SLA: variants seen among roughly 807,000 people sequenced by gnomAD.
The protein encoded by SLA is src-like-adapter.
In SLA, 16 loss-of-function variants were observed where a neutral mutation model predicts 30.3. That is an observed-to-expected ratio of 0.53 (90% CI 0.36 to 0.80). The LOEUF is 0.80. Ranked by LOEUF, SLA falls within the 30% of genes least tolerant of loss-of-function variation. The pLI, the probability that SLA is intolerant of heterozygous loss-of-function variation, is 0.01. For missense variants in SLA, 310 were observed against 345.2 expected, an observed-to-expected ratio of 0.90 and a Z score of 0.81; for synonymous variants, 143 against 137.8, an observed-to-expected ratio of 1.04 and a Z score of -0.26.
chr8:133,091,731 T>A (rs1274331766), intron 1 of SLA, among the ~76,000 whole-genome samples: 1 of 152,028 alleles, frequency 6.6e-6, no homozygotes, highest in African/African-American at 2.4e-5. Flanking sequence ...TGTGTGTCTA[T>A]GTGTGTGGGT....
intron 1 of SLA, among the ~76,000 whole-genome samples, chr8:133,080,911 A>T (rs751991916): frequency 6.6e-6 from 1 of 152,158 alleles, no homozygotes; most frequent in African/African-American, 2.4e-5. Context: ...CTCTCAACCA[A>T]CAATGATTGC....
chr8:133,081,325 T>G lies in SLA; in HGVS notation c.-318-6195A>C, dbSNP rs2702977. On this transcript the variant is annotated intron_variant, in intron 1 of 8. Coordinates refer to ENST00000338087, the MANE Select transcript of SLA (RefSeq NM_001045556.3). ...AAAGAATAAATGAAGGTTGTGCCTT[T>G]TGAATTAAAGTAAATAAATTGTGAA... 8.1e-3 allele frequency among the ~76,000 whole-genome samples: 1,233 copies of G among 152,368 alleles called. 18 individuals are homozygous for G. Among genetic ancestry groups the G allele is most frequent in the South Asian group, 0.043 (210 of 4,828 alleles).
chr8:133,064,894 C>G (rs1026640700), intron 2 of SLA, among the ~76,000 whole-genome samples: 4 of 152,140 alleles, frequency 2.6e-5, no homozygotes, highest in African/African-American at 4.8e-5. Flanking sequence ...GCCCGAACCC[C>G]TTTATCGTGC....
intron 1 of SLA, among the ~76,000 whole-genome samples, chr8:133,079,715 T>G (rs1014723282): frequency 4.6e-5 from 7 of 152,120 alleles, no homozygotes; most frequent in Non-Finnish European, 7.3e-5. Flanking sequence ...TATTCAAAAG[T>G]TTGGAAGAAG....
chr8:133,092,756 C>T (rs7818576), intron 1 of SLA, among the ~76,000 whole-genome samples: 11 of 152,124 alleles, frequency 7.2e-5, no homozygotes, highest in Admixed American at 2.6e-4. Flanking sequence ...CTCCTGCCCC[C>T]GAGTGCTTTG....
intron 2 of SLA, among the ~76,000 whole-genome samples, chr8:133,074,632 T>C (rs999863973): frequency 6.6e-6 from 1 of 152,162 alleles, no homozygotes; most frequent in Non-Finnish European, 1.5e-5. Context: ...CTGCCCCTGC[T>C]CCTCCAGCCC....
chr8:133,082,139 T>C (rs1845843026), intron 1 of SLA, among the ~76,000 whole-genome samples: 1 of 152,110 alleles, frequency 6.6e-6, no homozygotes, highest in Non-Finnish European at 1.5e-5. Context: ...ACGGTGCTGG[T>C]GTTGGTGGTG....
rs1837424453 is a variant in SLA at position 133,038,146 on chromosome 8, A to G, written c.*378T>C. 4.8e-6 allele frequency: 1 copy of G among 209,696 alleles called. No individual in the cohort carries two copies. The highest frequency in any genetic ancestry group is 9.7e-6 in the Non-Finnish European group (1 of 103,412). The allele number at this position is 209,696 out of a possible 1,614,324, so 13.0% of individuals were successfully genotyped here. ...GCTTGCCCATACAGAAGTTCTCTCC[A>G]ATGACCTTGGAGTGTAACTGTCTGG... On this transcript the variant is annotated 3_prime_UTR_variant, in exon 9 of 9. Coordinates refer to ENST00000338087, the MANE Select transcript of SLA (RefSeq NM_001045556.3).
chr8:133,081,169 A>G (rs188253254), intron 1 of SLA, among the ~76,000 whole-genome samples: 4 of 152,370 alleles, frequency 2.6e-5, no homozygotes, highest in Non-Finnish European at 5.9e-5. Context: ...GGGACCCACC[A>G]GATAGAGGTG....
chr8:133,046,761 C>T (rs1418696095), intron 6 of SLA, among the ~76,000 whole-genome samples: 2 of 145,096 alleles, frequency 1.4e-5, no homozygotes, highest in African/African-American at 5.8e-5. Flanking sequence ...TCTTTCTGTA[C>T]CCCAGCATAT....
At position 133,047,777 on chromosome 8, in the gene SLA, CA is replaced by C. The variant is rs1839720420; in HGVS notation, c.352+52del. 2.9e-6 allele frequency: 3 copies of C among 1,018,392 alleles called. No individual in the cohort carries two copies. In the East Asian group the frequency reaches 7.1e-5, roughly 24 times the overall value. The allele number at this position is 1,018,392 out of a possible 1,614,324, so 63.1% of individuals were successfully genotyped here. On this transcript the variant is annotated intron_variant, in intron 6 of 8. Coordinates refer to ENST00000338087, the MANE Select transcript of SLA (RefSeq NM_001045556.3). ...AGCCGTGTAATGAGTCAGCCAGGAG[CA>C]AAACATGCTTGTCTGCCCCGGATGG... is the stretch of plus-strand genomic sequence containing the variant.
intron 1 of SLA, among the ~76,000 whole-genome samples, chr8:133,100,654 T>G (rs1487687195): frequency 6.6e-6 from 1 of 152,164 alleles, no homozygotes; most frequent in Non-Finnish European, 1.5e-5. Context: ...CCTCCAAATA[T>G]CCTCTTCCCA....
intron 5 of SLA, chr8:133,048,973 T>C (rs1393613913): frequency 9.0e-6 from 3 of 332,176 alleles, no homozygotes; most frequent in African/African-American, 2.1e-5. Context: ...TATCAATGGA[T>C]GCCTCCTTCT....
chr8:133,074,734 C>A, intron 2 of SLA, 119 bp downstream of exon 2: 1 of 452,636 alleles, frequency 2.2e-6, no homozygotes, highest in South Asian at 9.3e-5. Context: ...CAAGACATTG[C>A]CCCACCTGTT....
At chr8:133,067,475 G>A (rs967380480) in intron 2 of SLA, among the ~76,000 whole-genome samples, 3 of 152,124 alleles carry the variant, frequency 2.0e-5, no homozygotes, top group African/African-American at 7.2e-5. Context: ...AAACCCCTGG[G>A]GAAGAACGTG....
chr8:133,047,007 GTTATTA>G (rs1347810375), intron 6 of SLA: 2 of 152,174 alleles, frequency 1.3e-5, no homozygotes, highest in East Asian at 3.9e-4. Context: ...TTTTAAAAAA[GTTATTA>G]TTATTATTCA....
chr8:133,040,172 G>A lies in SLA; in HGVS notation c.485-42C>T, dbSNP rs767538718. The A allele has an allele frequency of 3.1e-5, 49 of 1,558,584 alleles. No individual in the cohort carries two copies. In the Admixed American group the frequency reaches 4.4e-4, roughly 14 times the overall value. The stretch of plus-strand genomic sequence containing the variant: ...ACAGCCGGTCAGGGACCCTGGGGAC[G>A]CCTCAGCCAGTGTGGGGTTCAGGCC... On this transcript the variant is annotated intron_variant, in intron 7 of 8. Transcript: ENST00000338087.
At chr8:133,093,143 T>TCTTTTC (rs55977841) in intron 1 of SLA, among the ~76,000 whole-genome samples, 4 of 93,940 alleles carry the variant, frequency 4.3e-5, no homozygotes, top group African/African-American at 1.3e-4. Flanking sequence ...TCTTTTCTTT[T>TCTTTTC]TTTTTTTTAA....
At chr8:133,084,352 A>C (rs1846195935) in intron 1 of SLA, among the ~76,000 whole-genome samples, 1 of 152,146 alleles carries the variant, frequency 6.6e-6, no homozygotes, top group Non-Finnish European at 1.5e-5. Context: ...ATAATGATGA[A>C]ATTATTTTTA....
Sources: allele counts gnomAD v4.1 joint callset (sites outside exome capture counted in the v4.1 genomes callset), GRCh38; gene constraint gnomAD v4.1.1; transcripts MANE v1.5; gene names NCBI Gene and HGNC (gene_info 2026-07-23, HGNC 2026-07-21).